ITGB7: variants seen among roughly 807,000 people sequenced by gnomAD.
The protein encoded by ITGB7 is integrin subunit beta 7.
Under a neutral mutation model 83.4 loss-of-function variants are expected in ITGB7, and 55 were observed. The observed-to-expected ratio is 0.66, with a 90% CI of 0.53 to 0.83. ITGB7 has a LOEUF of 0.83. Among genes scored for constraint, ITGB7 ranks in the 40% least tolerant of loss-of-function variants. The pLI is 0.00. For synonymous variants in ITGB7, 454 were observed against 423.6 expected, an observed-to-expected ratio of 1.07 and a Z score of -0.88; for missense variants, 921 against 1,046.7, an observed-to-expected ratio of 0.88 and a Z score of 1.66.
Position 53,197,963 on chromosome 12 carries a change from GA to G in ITGB7, c.202-13del. The G allele has an allele frequency of 6.5e-7, 1 of 1,530,354 alleles. No individual in the cohort carries two copies. The allele number at this position is 1,530,354 out of a possible 1,614,324, so 94.8% of individuals were successfully genotyped here. A position where few individuals can be genotyped will look rare whatever the true frequency, so the allele number is the denominator to read the frequency against. On this transcript the variant is annotated splice_polypyrimidine_tract_variant and intron_variant, in intron 3 of 15. Coordinates refer to ENST00000267082, the MANE Select transcript of ITGB7 (RefSeq NM_000889.3). Reference sequence around the variant, plus strand: ...GACGCGGTGAAGTTCTGCTCAGCAAGAAAAGGCGCGTCGGGACCCGGTCCTG... The same window carrying G: ...GACGCGGTGAAGTTCTGCTCAGCAAGAAAGGCGCGTCGGGACCCGGTCCTG...
chr12:53,193,587 A>G (rs1304796474), intron 11 of ITGB7, 121 bp downstream of exon 11: 46 of 913,668 alleles, frequency 5.0e-5, no homozygotes, highest in Non-Finnish European at 4.3e-5. Flanking sequence ...GATGAAACTG[A>G]GTGGGGAGTC....
intron 15 of ITGB7, 96 bp from the exon 16 acceptor site, chr12:53,191,732 C>T (rs768565917): frequency 6.6e-7 from 1 of 1,517,054 alleles, no homozygotes; most frequent in Non-Finnish European, 9.1e-7. Context: ...ATCCTAGGAG[C>T]TGATGGAAGT....
intron 1 of ITGB7, among the ~76,000 whole-genome samples, chr12:53,204,719 T>C (rs1019135768): frequency 3.3e-5 from 5 of 151,934 alleles, no homozygotes; most frequent in Non-Finnish European, 7.4e-5. Flanking sequence ...ATTTTAAAAA[T>C]CAAAAAGTTA....
chr12:53,192,977 G>T (rs1327349802), intron 12 of ITGB7, 67 bp from the exon 13 acceptor site: 2 of 1,507,410 alleles, frequency 1.3e-6, no homozygotes, highest in South Asian at 1.1e-5. Context: ...CATGTGGCAC[G>T]ACAAGCCCAC....
intron 3 of ITGB7, among the ~76,000 whole-genome samples, chr12:53,199,845 A>G (rs1259156569): frequency 6.6e-6 from 1 of 152,124 alleles, no homozygotes; most frequent in Non-Finnish European, 1.5e-5. Context: ...TAAACCACCC[A>G]GCTTATGGTA....
intron 12 of ITGB7, 83 bp downstream of exon 12, chr12:53,193,057 C>T (rs866968031): frequency 7.1e-6 from 10 of 1,417,398 alleles, no homozygotes; most frequent in South Asian, 6.4e-5. Flanking sequence ...TGATATTTGC[C>T]TTCCATGCCA....
chr12:53,203,647 CA>C (rs1158624130), intron 1 of ITGB7, among the ~76,000 whole-genome samples: 542 of 51,046 alleles, frequency 0.011, no homozygotes, highest in African/African-American at 0.019. Flanking sequence ...GACCCTGTCT[CA>C]AAAAAAAAAA....
At chr12:53,206,984 A>T (rs1340296686) in intron 1 of ITGB7, among the ~76,000 whole-genome samples, 1 of 152,118 alleles carries the variant, frequency 6.6e-6, no homozygotes, top group Non-Finnish European at 1.5e-5. Context: ...TGCAGGAGAG[A>T]TTGGGCTTTT....
intron 1 of ITGB7, among the ~76,000 whole-genome samples, chr12:53,202,590 AGT>A: frequency 6.6e-6 from 1 of 151,708 alleles, no homozygotes; most frequent in South Asian, 2.1e-4. Context: ...CCTGACCTCA[AGT>A]GATCCACCTG....
At chr12:53,193,457 AGAGTTG>A (rs1359861215) in intron 11 of ITGB7, 94 bp from the exon 12 acceptor site, 8 of 934,342 alleles carry the variant, frequency 8.6e-6, no homozygotes, top group Non-Finnish European at 1.3e-5. Context: ...AGTTCTCAAA[AGAGTTG>A]GAGACAGACA....
intron 5 of ITGB7, 120 bp from the exon 6 acceptor site, chr12:53,196,940 G>T: frequency 4.2e-6 from 5 of 1,194,188 alleles, no homozygotes; most frequent in Admixed American, 5.2e-5. Context: ...GTGCACCTAG[G>T]GGGCAGGGAC....
intron 5 of ITGB7, 155 bp downstream of exon 5, chr12:53,197,338 A>G: frequency 1.3e-6 from 1 of 795,088 alleles, no homozygotes; most frequent in Non-Finnish European, 2.2e-6. Context: ...ATGGGTGTCT[A>G]GGGAGAGATG....
intron 14 of ITGB7, 126 bp downstream of exon 14, chr12:53,192,204 C>G: frequency 8.0e-7 from 1 of 1,248,414 alleles, no homozygotes; most frequent in Non-Finnish European, 1.1e-6. Flanking sequence ...TTGCCTCTGC[C>G]TTTGTCCTGG....
chr12:53,203,153 G>A (rs992926388), intron 1 of ITGB7, among the ~76,000 whole-genome samples: 1 of 151,962 alleles, frequency 6.6e-6, no homozygotes, highest in Non-Finnish European at 1.5e-5. Flanking sequence ...CCACAGAATG[G>A]GAGAAAATAT....
At chr12:53,193,999 G>A in intron 10 of ITGB7, 98 bp from the exon 11 acceptor site, 1 of 1,348,816 alleles carries the variant, frequency 7.4e-7, no homozygotes, top group Non-Finnish European at 1.0e-6. Context: ...AGTAAATGAA[G>A]GGATGGGGTC....
At chr12:53,194,509 G>A (rs569358183) in intron 9 of ITGB7, 165 bp from the exon 10 acceptor site, 30 of 637,248 alleles carry the variant, frequency 4.7e-5, no homozygotes, top group Admixed American at 3.9e-4. Flanking sequence ...GAGGACCCGT[G>A]AGAACCTTGC....
chr12:53,191,542 T>G lies in ITGB7; in HGVS notation c.*14A>C. 6.3e-7 allele frequency: 1 copy of G among 1,595,372 alleles called. No homozygotes were observed. Among genetic ancestry groups the G allele is most frequent in the Non-Finnish European group, 8.6e-7 (1 of 1,162,970 alleles). Reference sequence around the variant, plus strand: ...TCCAAGGAGAAGAGCCTTGGGTAAGTGTCCCTCCCTCCTTCAGAGAGTGGG... The same window carrying G: ...TCCAAGGAGAAGAGCCTTGGGTAAGGGTCCCTCCCTCCTTCAGAGAGTGGG... On this transcript the variant is annotated 3_prime_UTR_variant, in exon 16 of 16. Coordinates refer to ENST00000267082, the MANE Select transcript of ITGB7 (RefSeq NM_000889.3).
rs775509701 is a variant in ITGB7, at chr12:53,191,703, G to C, written c.2317-67C>G. 3 of 1,547,366 alleles carry C rather than the reference G, an allele frequency of 1.9e-6. No homozygotes were observed. In the South Asian group the frequency reaches 3.4e-5, roughly 17 times the overall value. ...TTCCTCGTCCCCTTTCTAGACCTAA[G>C]AGGCCAGCCTTGAGCCGAATCCTAG... On this transcript the variant is annotated intron_variant, in intron 15 of 15. Transcript: ENST00000267082.
Position 53,193,121 on chromosome 12 carries a change from T to C in ITGB7, c.1726+19A>G. On this transcript the variant is annotated intron_variant, in intron 12 of 15. Transcript: ENST00000267082. The stretch of plus-strand genomic sequence containing the variant: ...GAAGGCCTCTCAGACCCCGCCCTTC[T>C]CCCCAAGGCTCCAGGTACCTCCGCA... 1 of 1,590,646 alleles carries C rather than the reference T, an allele frequency of 6.3e-7. No individual in the cohort carries two copies. The highest frequency in any genetic ancestry group is 8.6e-7 in the Non-Finnish European group (1 of 1,162,864).
Sources: gnomAD v4.1 joint callset for allele counts (sites outside exome capture counted in the v4.1 genomes callset) on GRCh38, gnomAD v4.1.1 for gene constraint, MANE v1.5 for transcripts, NCBI Gene and HGNC (gene_info 2026-07-23, HGNC 2026-07-21) for gene names.